PWWP3B: variants seen among roughly 807,000 people sequenced by gnomAD.
The protein encoded by PWWP3B is PWWP domain-containing DNA repair factor 3B.
In PWWP3B, 5 loss-of-function variants were observed where a neutral mutation model predicts 15.7. The observed-to-expected ratio is 0.32, with a 90% CI of 0.17 to 0.67. PWWP3B has a LOEUF of 0.67. PWWP3B is among the 30% of genes least tolerant of loss of function. The pLI is 0.74. For missense variants in PWWP3B, 519 were observed against 493.1 expected (o/e 1.05, Z -0.50); for synonymous variants, 203 against 179.8 (o/e 1.13, Z -1.03).
intron 2 of PWWP3B, among the ~76,000 whole-genome samples, chrX:106,202,491 C>A (rs754478759): frequency 9.0e-6 from 1 of 111,449 alleles, no homozygotes; most frequent in Non-Finnish European, 1.9e-5. Flanking sequence ...CTCCCATATC[C>A]CCCCTGTCTT....
chrX:106,188,351 T>C lies in PWWP3B; in HGVS notation c.-400-15634T>C, dbSNP rs1602843230. ...CATATTATTTCTACACTACAGAGGG[T>C]ATTTTTAAACATATCTTGTGGAACC... On this transcript the variant is annotated intron_variant, in intron 2 of 3. Transcript: ENST00000357175. 2.7e-5 allele frequency among the ~76,000 whole-genome samples: 3 copies of C among 111,931 alleles called. 1 individual carries two copies. The Admixed American group carries it at 2.8e-4, about 11-fold the overall frequency.
chrX:106,207,657 T>C lies in PWWP3B; in HGVS notation c.*134T>C. On this transcript the variant is annotated 3_prime_UTR_variant, in exon 4 of 4. Transcript: ENST00000357175. ...AATGTGTTCACTTTTTTTTGAGATC[T>C]CTAGGATCTGTGGTTATAATTACAT... 1.8e-6 allele frequency: 1 copy of C among 567,299 alleles called. No individual in the cohort carries two copies. The highest frequency in any genetic ancestry group is 3.9e-5 in the East Asian group (1 of 25,935). The allele number at this position is 567,299 out of a possible 1,213,427, so 46.8% of individuals were successfully genotyped here. A position where few individuals can be genotyped will look rare whatever the true frequency, so the allele number is the denominator to read the frequency against.
intron 2 of PWWP3B, among the ~76,000 whole-genome samples, chrX:106,193,494 A>G (rs1923146225): frequency 9.0e-6 from 1 of 111,632 alleles, no homozygotes; most frequent in Non-Finnish European, 1.9e-5. Flanking sequence ...TCTTTATCCA[A>G]TTTGCCAGTC....
At chrX:106,191,491 G>A (rs1416311350) in intron 2 of PWWP3B, among the ~76,000 whole-genome samples, 1 of 111,347 alleles carries the variant, frequency 9.0e-6, no homozygotes, top group Non-Finnish European at 1.9e-5. Context: ...TGCAAACAGG[G>A]ACAATTTGAC....
chrX:106,205,541 C>T lies in PWWP3B; in HGVS notation c.109C>T (p.Leu37=), dbSNP rs778826887. 65 of 1,203,506 alleles carry T rather than the reference C, an allele frequency of 5.4e-5. No individual in the cohort carries two copies. In the East Asian group the frequency reaches 1.9e-3, roughly 35 times the overall value. The stretch of plus-strand genomic sequence containing the variant: ...CAGTAAGAGGAAAAAGGCATTTTCT[C>T]TAGAAGTTCAAATACTCTCACTAGA... ...SNSKRKKAFS[L]EVQILSLDEK... is the part of the protein sequence containing the mutation. Residue 37 remains leucine (L), a synonymous_variant, in exon 4 of 4, where the codon CTA becomes TTA. Transcript: ENST00000357175.
chrX:106,187,316 A>C (rs776915335), intron 2 of PWWP3B, among the ~76,000 whole-genome samples: 1 of 111,831 alleles, frequency 8.9e-6, no homozygotes, highest in East Asian at 2.8e-4. Context: ...ACTTGTTTCC[A>C]TTTTATTCCT....
intron 2 of PWWP3B, chrX:106,177,495 T>C (rs1164995606): frequency 5.3e-5 from 6 of 112,939 alleles, no homozygotes; most frequent in African/African-American, 1.9e-4. Flanking sequence ...TTTGAACTGC[T>C]GTTATTGGAA....
In PWWP3B at chrX:106,205,533, C is replaced by A. The variant is rs1433998245; in HGVS notation, c.101C>A (p.Ala34Glu). The change falls in exon 4 of 4, where the codon GCA (alanine) becomes GAA (glutamate). Residue 34 changes from alanine to glutamate, a missense_variant. Physicochemically the swap from Ala to Glu is moderately radical, Grantham distance 107. Coordinates refer to ENST00000357175, the MANE Select transcript of PWWP3B (RefSeq NM_001171020.2). ...ETSSNSKRKK[A>E]FSLEVQILSL... ...TCATCAAACAGTAAGAGGAAAAAGG[C>A]ATTTTCTCTAGAAGTTCAAATACTC... is the stretch of plus-strand genomic sequence containing the variant. 2.5e-6 allele frequency: 3 copies of A among 1,203,522 alleles called. No homozygotes were observed. Among genetic ancestry groups the A allele is most frequent in the Non-Finnish European group, 2.2e-6 (2 of 891,128 alleles).
intron 3 of PWWP3B, among the ~76,000 whole-genome samples, chrX:106,204,870 A>G (rs749297885): frequency 2.1e-4 from 24 of 111,685 alleles, no homozygotes; most frequent in African/African-American, 7.8e-4. Flanking sequence ...ACCCACTGCT[A>G]TAAGTATGAC....
rs758636294 is a variant in PWWP3B, at chrX:106,206,676, G to A, written c.1244G>A (p.Arg415Gln). The A allele has an allele frequency of 4.1e-6, 5 of 1,209,466 alleles. No individual in the cohort carries two copies. Among genetic ancestry groups the A allele is most frequent in the East Asian group, 3.0e-5 (1 of 33,802 alleles). ...FWPAVIKSIR[R>Q]KERKASVLFV... ...CCAGCAGTGATAAAAAGTATCAGAC[G>A]AAAAGAGAGGAAAGCAAGTGTGCTT... is the stretch of plus-strand genomic sequence containing the variant. Residue 415 changes from arginine (R) to glutamine (Q), a missense_variant, in exon 4 of 4, where the codon CGA (arginine) becomes CAA (glutamine). Transcript: ENST00000357175.
intron 2 of PWWP3B, among the ~76,000 whole-genome samples, chrX:106,198,703 A>G (rs1923521626): frequency 8.9e-6 from 1 of 111,848 alleles, no homozygotes; most frequent in African/African-American, 3.2e-5. Flanking sequence ...GGTGAAATAG[A>G]AAATATTGTT....
At chrX:106,194,394 G>C (rs1425749569) in intron 2 of PWWP3B, among the ~76,000 whole-genome samples, 1 of 111,823 alleles carries the variant, frequency 8.9e-6, no homozygotes, top group Non-Finnish European at 1.9e-5. Context: ...CGCTCCATCA[G>C]GTCCTTTAAG....
chrX:106,173,543 T>C (rs1212718153), intron 2 of PWWP3B, among the ~76,000 whole-genome samples: 1 of 111,462 alleles, frequency 9.0e-6, no homozygotes, highest in African/African-American at 3.3e-5. Context: ...TTCTTTGCCA[T>C]GTTTTAATGC....
chrX:106,185,670 G>A, intron 2 of PWWP3B, among the ~76,000 whole-genome samples: 1 of 111,765 alleles, frequency 8.9e-6, no homozygotes, highest in Non-Finnish European at 1.9e-5. Context: ...TCGAAAACCT[G>A]TTAGAGTCCT....
chrX:106,206,409 C>G lies in PWWP3B; in HGVS notation c.977C>G (p.Pro326Arg). The change falls in exon 4 of 4, where the codon CCT becomes CGT. Residue 326 changes from proline to arginine, a missense_variant. Physicochemically the swap from Pro to Arg is moderately radical, Grantham distance 103 (BLOSUM62 -2). Transcript: ENST00000357175. ...ECEVSFSASN[P>R]VWDYSHLMSS... Reference sequence around the variant, plus strand: ...GAGGTTTCATTTAGTGCCTCTAACCCTGTCTGGGATTATTCACATCTTATG... The same window carrying G: ...GAGGTTTCATTTAGTGCCTCTAACCGTGTCTGGGATTATTCACATCTTATG... 1.7e-6 allele frequency: 2 copies of G among 1,209,699 alleles called. No individual in the cohort carries two copies. Among genetic ancestry groups the G allele is most frequent in the Non-Finnish European group, 2.2e-6 (2 of 894,562 alleles).
intron 3 of PWWP3B, among the ~76,000 whole-genome samples, chrX:106,204,580 A>T (rs1923883241): frequency 8.9e-6 from 1 of 111,747 alleles, no homozygotes; most frequent in Non-Finnish European, 1.9e-5. Flanking sequence ...GAGTCATTGT[A>T]TTTTTGTTTG....
At chrX:106,191,478 A>G (rs1364676928) in intron 2 of PWWP3B, among the ~76,000 whole-genome samples, 1 of 111,546 alleles carries the variant, frequency 9.0e-6, no homozygotes, top group African/African-American at 3.3e-5. Context: ...CAATCATGTC[A>G]TCTGCAAACA....
At chrX:106,181,677 C>T (rs1358010846) in intron 2 of PWWP3B, among the ~76,000 whole-genome samples, 2 of 111,703 alleles carry the variant, frequency 1.8e-5, no homozygotes, top group Admixed American at 1.9e-4. Context: ...CTAGCTACTT[C>T]CTGCTGGATA....
chrX:106,171,414 G>T (rs774302280), intron 2 of PWWP3B, among the ~76,000 whole-genome samples: 1 of 111,161 alleles, frequency 9.0e-6, no homozygotes, highest in Admixed American at 9.6e-5. Context: ...CATGCAAGAG[G>T]CTATGCAGGT....
Sources: allele counts gnomAD v4.1 joint callset (sites outside exome capture counted in the v4.1 genomes callset), GRCh38; gene constraint gnomAD v4.1.1; transcripts MANE v1.5; gene names NCBI Gene and HGNC (gene_info 2026-07-23, HGNC 2026-07-21).